The following MCFD2 variants were observed in gnomAD, a reference collection of about 807,000 sequenced individuals.
MCFD2 encodes multiple coagulation factor deficiency protein 2.
A neutral mutation model predicts 12.8 loss-of-function variants in MCFD2; 11 were observed. The observed-to-expected ratio is 0.86, with a 90% CI of 0.54 to 1.42. The LOEUF is 1.42. Among genes scored for constraint, MCFD2 ranks in the 40% most tolerant of loss-of-function variants. The pLI is 0.00. For missense variants in MCFD2, 191 were observed against 178.6 expected (o/e 1.07, Z -0.40); for synonymous variants, 70 against 68.1 (o/e 1.03, Z -0.14).
At chr2:46,916,119 G>C, upstream of MCFD2, 1 of 985,610 alleles carries the variant, frequency 1.0e-6, no homozygotes, top group Non-Finnish European at 1.2e-6. Flanking sequence ...ATCCGGATGG[G>C]GCGGACCCCA....
chr2:46,934,643 T>C (rs2103853574), intron 1 of MCFD2, among the ~76,000 whole-genome samples: 1 of 151,968 alleles, frequency 6.6e-6, no homozygotes, highest in South Asian at 2.1e-4. Flanking sequence ...CCTCCCCTCA[T>C]AGGTTGCAGT....
chr2:46,905,585 C>G lies in MCFD2; in HGVS notation c.319G>C (p.Glu107Gln), dbSNP rs1668187495. 1.2e-6 allele frequency: 2 copies of G among 1,611,846 alleles called. No homozygotes were observed. The highest frequency in any genetic ancestry group is 1.7e-6 in the Non-Finnish European group (2 of 1,178,886). Residue 107 changes from glutamate to glutamine, a missense_variant, in exon 4 of 4, where the codon GAA (glutamate) becomes CAA (glutamine). Transcript: ENST00000319466. ...TCTTCACTCATTAGTGGTGCCTGTT[C>G]ACTCCCTTCCTACAAAATACAAATT... ...ITHVHKEEGS[E>Q]QAPLMSEDEL...
intron 1 of MCFD2, among the ~76,000 whole-genome samples, chr2:46,934,596 T>C (rs1669871985): frequency 6.6e-6 from 1 of 151,826 alleles, no homozygotes; most frequent in Non-Finnish European, 1.5e-5. Flanking sequence ...ATAGATAGAC[T>C]CAAACTGCTT....
intron 1 of MCFD2, among the ~76,000 whole-genome samples, chr2:46,929,854 C>T (rs1267762126): frequency 6.6e-6 from 1 of 152,204 alleles, no homozygotes; most frequent in East Asian, 1.9e-4. Flanking sequence ...TTATGTGTCA[C>T]ACCTAGACAG....
chr2:46,927,355 A>ATTTTTTTT (rs60808815), intron 1 of MCFD2, among the ~76,000 whole-genome samples: 1 of 132,878 alleles, frequency 7.5e-6, no homozygotes, highest in Non-Finnish European at 1.6e-5. Context: ...AGAAAAAAAG[A>ATTTTTTTT]TTTTTTTTTT....
chr2:46,911,780 G>T (rs1352784397), intron 1 of MCFD2, among the ~76,000 whole-genome samples: 3 of 152,042 alleles, frequency 2.0e-5, no homozygotes, highest in African/African-American at 7.2e-5. Context: ...ATAAAAATTA[G>T]CCAGGCGTGG....
At chr2:46,915,827 C>G (rs1382510299), upstream of MCFD2, 1,094 of 444,684 alleles carry the variant, frequency 2.5e-3, 3 homozygotes, top group Non-Finnish European at 3.1e-3. Flanking sequence ...CCCCCCCCCC[C>G]GACCTGCCCT....
chr2:46,927,633 TACAGGCA>T, intron 1 of MCFD2, among the ~76,000 whole-genome samples: 1 of 152,172 alleles, frequency 6.6e-6, no homozygotes, highest in South Asian at 2.1e-4. Context: ...GTGCTGGGAT[TACAGGCA>T]TGAGCTACCG....
rs900932379 is a variant in MCFD2 at position 46,941,433 on chromosome 2, C to A, written c.-8+139G>T. 4 of 1,206,260 alleles carry A rather than the reference C, an allele frequency of 3.3e-6. No individual in the cohort carries two copies. Among genetic ancestry groups the A allele is most frequent in the African/African-American group, 3.2e-5 (2 of 63,228 alleles). 74.7% of individuals were successfully genotyped at this position (1,206,260 alleles called of 1,614,324 possible). ...CCGCTGCCGCCCGGGCCCCGGCTGC[C>A]GTCTGCGCCCCCGTCGACCCCGCCC... On this transcript the variant is annotated intron_variant, in intron 1 of 2. Transcript: ENST00000409147. The surrounding 1 kb of genome is among the most constrained non-coding windows in gnomAD (Gnocchi z 4.2).
rs1250633373 is a variant in MCFD2 at position 46,908,291 on chromosome 2, C to T, written c.150-322G>A. The T allele has an allele frequency of 2.7e-6, 1 of 366,772 alleles. No individual in the cohort carries two copies. Among genetic ancestry groups the T allele is most frequent in the Non-Finnish European group, 5.2e-6 (1 of 192,568 alleles). 22.7% of individuals were successfully genotyped at this position (366,772 alleles called of 1,614,324 possible). A position where few individuals can be genotyped will look rare whatever the true frequency, so the allele number is the denominator to read the frequency against. Reference sequence around the variant, plus strand: ...TTTTTTTTTTTTTGAGACAGGGTCTCACTCTGCCACCCAGGCTGGAGTGCA... The same window carrying T: ...TTTTTTTTTTTTTGAGACAGGGTCTTACTCTGCCACCCAGGCTGGAGTGCA... On this transcript the variant is annotated intron_variant, in intron 2 of 3. Transcript: ENST00000319466. The surrounding 1 kb of genome is among the most constrained non-coding windows in gnomAD (Gnocchi z 4.5).
intron 1 of MCFD2, among the ~76,000 whole-genome samples, chr2:46,911,505 A>C (rs562532730): frequency 1.3e-5 from 2 of 152,308 alleles, no homozygotes; most frequent in African/African-American, 4.8e-5. Context: ...AATGCTCAAT[A>C]TATATTGAAT....
Position 46,905,291 on chromosome 2 carries a change from T to C in MCFD2, c.*172A>G. On this transcript the variant is annotated 3_prime_UTR_variant, in exon 4 of 4. Coordinates refer to ENST00000319466, the MANE Select transcript of MCFD2 (RefSeq NM_139279.6). ...TAGGGACTATTAGATGTCCCATTTC[T>C]CTTCTCTTTCATTTCTCTTATCTCT... The C allele has an allele frequency of 1.4e-6, 1 of 711,316 alleles. No homozygotes were observed. Among genetic ancestry groups the C allele is most frequent in the Non-Finnish European group, 2.5e-6 (1 of 401,318 alleles). The allele number at this position is 711,316 out of a possible 1,614,324, so 44.1% of individuals were successfully genotyped here.
At chr2:46,918,220 T>G (rs1001167704), upstream of MCFD2, among the ~76,000 whole-genome samples, 1 of 152,232 alleles carries the variant, frequency 6.6e-6, no homozygotes, top group Non-Finnish European at 1.5e-5. Context: ...TTAGTAAATG[T>G]CACTGGTACT....
upstream of MCFD2, chr2:46,915,806 G>GGGGGGGGGGGGGGGGCCC: frequency 3.9e-6 from 2 of 512,582 alleles, no homozygotes; most frequent in Non-Finnish European, 4.3e-6. Context: ...CCTCGGCTTC[G>GGGGGGGGGGGGGGGGCCC]CCCCGCCCCC....
chr2:46,916,176 G>C (rs924067222), upstream of MCFD2: 1 of 985,018 alleles, frequency 1.0e-6, no homozygotes, highest in Non-Finnish European at 1.2e-6. Flanking sequence ...AGGGCTCTTG[G>C]TTCAGGTCTC....
At chr2:46,925,356 G>A (rs908834636) in intron 1 of MCFD2, among the ~76,000 whole-genome samples, 25 of 152,062 alleles carry the variant, frequency 1.6e-4, no homozygotes, top group Non-Finnish European at 2.6e-4. Flanking sequence ...TCAGGAGTTC[G>A]AGACTAACCT....
upstream of MCFD2, chr2:46,916,013 C>G (rs887071738): frequency 3.0e-6 from 3 of 985,478 alleles, no homozygotes; most frequent in Non-Finnish European, 3.6e-6. Context: ...CGGCTCCACT[C>G]CAGTTGGGCC....
chr2:46,904,194 A>C lies in MCFD2; in HGVS notation c.*1269T>G, dbSNP rs1308971224. 6.6e-6 allele frequency: 1 copy of C among 152,198 alleles called. No homozygotes were observed. Among genetic ancestry groups the C allele is most frequent in the South Asian group, 2.1e-4 (1 of 4,832 alleles). 9.4% of individuals were successfully genotyped at this position (152,198 alleles called of 1,614,324 possible). ...ATGGAAATGCCTCAATGCCCAGGCA[A>C]ACGTTTGCTGCAGGGGAGAGGCCCT... is the stretch of plus-strand genomic sequence containing the variant. On this transcript the variant is annotated 3_prime_UTR_variant, in exon 4 of 4. Coordinates refer to ENST00000319466, the MANE Select transcript of MCFD2 (RefSeq NM_139279.6).
At position 46,908,100 on chromosome 2, in the gene MCFD2, C is replaced by T; in HGVS notation, c.150-131G>A. The T allele has an allele frequency of 2.1e-6, 2 of 950,316 alleles. No individual in the cohort carries two copies. Among genetic ancestry groups the T allele is most frequent in the Admixed American group, 2.0e-5 (1 of 50,456 alleles). 58.9% of individuals were successfully genotyped at this position (950,316 alleles called of 1,614,324 possible). A position where few individuals can be genotyped will look rare whatever the true frequency, so the allele number is the denominator to read the frequency against. On this transcript the variant is annotated intron_variant, in intron 2 of 3. Coordinates refer to ENST00000319466, the MANE Select transcript of MCFD2 (RefSeq NM_139279.6). This position sits in a 1 kb window ranked among gnomAD's most constrained non-coding sequence, Gnocchi z 4.5. ...AAAACAAACACCAGCAGTGGCAGAC[C>T]ACACTCAAGGATTACACAGAGATAG... is the stretch of plus-strand genomic sequence containing the variant.
Sources: allele counts gnomAD v4.1 joint callset (sites outside exome capture counted in the v4.1 genomes callset), GRCh38; gene constraint gnomAD v4.1.1; non-coding constraint Gnocchi (gnomAD v3.1); transcripts MANE v1.5; gene names NCBI Gene and HGNC (gene_info 2026-07-23, HGNC 2026-07-21).